The following LRP5 variants were observed in gnomAD, a reference collection of about 807,000 sequenced individuals.
LRP5 encodes the protein low-density lipoprotein receptor-related protein 5.
Under a neutral mutation model 154.1 loss-of-function variants are expected in LRP5, and 62 were observed. The ratio of observed to expected loss-of-function variants is 0.40; its 90% CI spans 0.33 to 0.50. The LOEUF is 0.50. Ranked by LOEUF, LRP5 falls within the 20% of genes least tolerant of loss-of-function variation. The pLI is 0.55. For synonymous variants in LRP5, 966 were observed against 1,011.5 expected, an observed-to-expected ratio of 0.96 and a Z score of 0.85; for missense variants, 1,915 against 2,336.7, an observed-to-expected ratio of 0.82 and a Z score of 3.72.
chr11:68,301,471 T>A, the LRP5 span, among the ~76,000 whole-genome samples: 1 of 148,158 alleles, frequency 6.7e-6, no homozygotes, highest in Non-Finnish European at 1.5e-5. Flanking sequence ...CAAGACCCTG[T>A]CTCTAAAAAA....
chr11:68,307,190 A>AAAGGT, the LRP5 span, among the ~76,000 whole-genome samples: 8 of 152,028 alleles, frequency 5.3e-5, no homozygotes, highest in Non-Finnish European at 7.4e-5. Flanking sequence ...CTCAAAAAAA[A>AAAGGT]AAGGTAAGGT....
rs116068042 is a variant in LRP5, at chr11:68,433,848, T to A, written c.4000+10T>A. The A allele has an allele frequency of 4.2e-3, 6,722 of 1,609,482 alleles. 267 individuals carry two copies. In the African/African-American group the frequency reaches 0.079, roughly 19 times the overall value. On this transcript the variant is annotated intron_variant, in intron 18 of 22. Coordinates refer to ENST00000294304, the MANE Select transcript of LRP5 (RefSeq NM_002335.4). ...GAGGCGGACTGTGACGGTGAGGCCCTCCCCGTCAAGGCTCTGCCAAGACCC... is the reference window on the plus strand; with the variant it reads ...GAGGCGGACTGTGACGGTGAGGCCCACCCCGTCAAGGCTCTGCCAAGACCC...
At chr11:68,396,357 G>A (rs1295558607) in intron 7 of LRP5, among the ~76,000 whole-genome samples, 1 of 152,188 alleles carries the variant, frequency 6.6e-6, no homozygotes, top group Non-Finnish European at 1.5e-5. Flanking sequence ...GGGAGTGGTG[G>A]GAGAGAGGAT....
Position 68,312,606 on chromosome 11 carries a change from G to A in LRP5, c.-109G>A. ...CCTCCTCCCCGTCGTCCTGGTCCGC[G>A]GCGCCCGAGGGGGGAGGCGGAGGCG... On this transcript the variant is annotated 5_prime_UTR_variant, in exon 1 of 23. Coordinates refer to ENST00000294304, the MANE Select transcript of LRP5 (RefSeq NM_002335.4). 1 of 335,736 alleles carries A rather than the reference G, an allele frequency of 3.0e-6. No individual in the cohort carries two copies. Among genetic ancestry groups the A allele is most frequent in the Non-Finnish European group, 4.2e-6 (1 of 237,206 alleles). The allele number at this position is 335,736 out of a possible 1,614,324, so 20.8% of individuals were successfully genotyped here.
Position 68,328,970 on chromosome 11 carries a change from G to C in LRP5, c.91+16165G>C, listed in dbSNP as rs1015738381. 2.0e-5 allele frequency among the ~76,000 whole-genome samples: 3 copies of C among 152,288 alleles called. No homozygotes were observed. The East Asian group carries it at 5.8e-4, about 29-fold the overall frequency. On this transcript the variant is annotated intron_variant, in intron 1 of 22. Transcript: ENST00000294304. ...TTTGTGACTTGAGACTGCGTGGGTG[G>C]GGTACCTGAGGGATCCGTGAGCCCG...
chr11:68,413,964 G>T lies in LRP5; in HGVS notation c.2779G>T (p.Gly927Cys), dbSNP rs764138752. ...CLAIPGGHRC[G>C]CASHYTLDPS... ...TGCCATCCCCGGCGGCCACCGCTGC[G>T]GCTGCGCCTCACACTACACCCTGGA... The change falls in exon 12 of 23, where the codon GGC becomes TGC. Residue 927 changes from glycine to cysteine, a missense_variant. Gly to Cys is a radical substitution (Grantham distance 159). This residue lies in a region of LRP5 where 1,094 missense variants were observed against 1,210.1 expected (regional missense o/e 0.90). Coordinates refer to ENST00000294304, the MANE Select transcript of LRP5 (RefSeq NM_002335.4). The surrounding 1 kb of genome is among the most constrained non-coding windows in gnomAD (Gnocchi z 5.1). 6.2e-7 allele frequency: 1 copy of T among 1,607,382 alleles called. No homozygotes were observed. The highest frequency in any genetic ancestry group is 1.3e-5 in the African/African-American group (1 of 74,934).
rs200963797 is a variant in LRP5 at position 68,406,515 on chromosome 11, C to T, written c.1802-9C>T. Reference sequence around the variant, plus strand: ...ATGTTTAGACTGGAGCCTCTGTGTTCGCTTCCAGGAACCAACCCGTGTGCG... The same window carrying T: ...ATGTTTAGACTGGAGCCTCTGTGTTTGCTTCCAGGAACCAACCCGTGTGCG... On this transcript the variant is annotated splice_polypyrimidine_tract_variant and intron_variant, in intron 8 of 22. Transcript: ENST00000294304. The T allele has an allele frequency of 3.7e-6, 6 of 1,613,860 alleles. No individual in the cohort carries two copies. The African/African-American group carries it at 4.0e-5, about 11-fold the overall frequency.
At chr11:68,400,749 A>T (rs1442417657) in intron 7 of LRP5, among the ~76,000 whole-genome samples, 6 of 151,904 alleles carry the variant, frequency 3.9e-5, no homozygotes, top group South Asian at 2.1e-4. Context: ...AATAAATAAA[A>T]AATAAAAATA....
At chr11:68,435,924 C>A (rs2098674628) in intron 18 of LRP5, among the ~76,000 whole-genome samples, 1 of 152,174 alleles carries the variant, frequency 6.6e-6, no homozygotes, top group African/African-American at 2.4e-5. Context: ...TGGGGTTTCA[C>A]CATGTTGGCC....
Position 68,440,005 on chromosome 11 carries a change from T to G in LRP5, c.4488+89T>G, listed in dbSNP as rs1591330481. 25 of 1,265,070 alleles carry G rather than the reference T, an allele frequency of 2.0e-5. No individual in the cohort carries two copies. In the East Asian group the frequency reaches 6.4e-4, roughly 32 times the overall value. The allele number at this position is 1,265,070 out of a possible 1,614,324, so 78.4% of individuals were successfully genotyped here. A position where few individuals can be genotyped will look rare whatever the true frequency, so the allele number is the denominator to read the frequency against. On this transcript the variant is annotated intron_variant, in intron 21 of 22. Coordinates refer to ENST00000294304, the MANE Select transcript of LRP5 (RefSeq NM_002335.4). Reference sequence around the variant, plus strand: ...GCTGGCCACCGGAGGCTTCCCGGGTTCCTGGGGGCTGTGCCACCGCCTCTG... The same window carrying G: ...GCTGGCCACCGGAGGCTTCCCGGGTGCCTGGGGGCTGTGCCACCGCCTCTG...
chr11:68,380,623 A>C (rs187433796), intron 5 of LRP5, among the ~76,000 whole-genome samples: 1 of 152,310 alleles, frequency 6.6e-6, no homozygotes, highest in African/African-American at 2.4e-5. Flanking sequence ...GGCTGTTTGC[A>C]TGAGGCTTCC....
intron 3 of LRP5, among the ~76,000 whole-genome samples, chr11:68,361,730 G>A (rs967188156): frequency 9.2e-5 from 14 of 152,182 alleles, no homozygotes; most frequent in African/African-American, 3.4e-4. Context: ...GCTGAGGCAG[G>A]AGGATGGATT....
At chr11:68,327,545 T>A (rs1341106552) in intron 1 of LRP5, among the ~76,000 whole-genome samples, 1 of 152,150 alleles carries the variant, frequency 6.6e-6, no homozygotes, top group Non-Finnish European at 1.5e-5. Context: ...TGGGAATTGA[T>A]CTCCCCTGTC....
At chr11:68,365,787 G>A (rs2098630745) in intron 5 of LRP5, 85 bp downstream of exon 5, 1 of 1,360,290 alleles carries the variant, frequency 7.4e-7, no homozygotes, top group Admixed American at 2.3e-5. Flanking sequence ...GCCCCAGAAG[G>A]AACCTCGGCA....
At chr11:68,373,634 G>A (rs748957551) in intron 5 of LRP5, among the ~76,000 whole-genome samples, 3 of 152,206 alleles carry the variant, frequency 2.0e-5, no homozygotes, top group Non-Finnish European at 4.4e-5. Flanking sequence ...CCCAGCAGTC[G>A]AGTGCAGAGC....
chr11:68,348,833 T>G (rs1474785345), intron 2 of LRP5, among the ~76,000 whole-genome samples: 9 of 151,950 alleles, frequency 5.9e-5, no homozygotes, highest in Admixed American at 2.0e-4. Flanking sequence ...AATCCCAGCT[T>G]CTTGGGAGGC....
chr11:68,386,792 T>C lies in LRP5; in HGVS notation c.1412+80T>C. 6.8e-7 allele frequency: 1 copy of C among 1,464,984 alleles called. No individual in the cohort carries two copies. Among genetic ancestry groups the C allele is most frequent in the African/African-American group, 1.4e-5 (1 of 71,718 alleles). The allele number at this position is 1,464,984 out of a possible 1,614,324, so 90.7% of individuals were successfully genotyped here. On this transcript the variant is annotated intron_variant, in intron 6 of 22. Coordinates refer to ENST00000294304, the MANE Select transcript of LRP5 (RefSeq NM_002335.4). The surrounding 1 kb of genome is among the most constrained non-coding windows in gnomAD (Gnocchi z 7.9). ...GAGGGAGATTGACCTGGACCTGTCA[T>C]TCTGGGACACTGTCTTGCATCAGAA...
In LRP5 at chr11:68,364,337, GTTAT is replaced by G. The variant is rs956643369; in HGVS notation, c.883+399_883+402del. Among the ~76,000 whole-genome samples the G allele has an allele frequency of 6.1e-5, 9 of 146,558 alleles. No individual in the cohort carries two copies. In the East Asian group the frequency reaches 1.6e-3, roughly 26 times the overall value. ...ACGTATGTGTGTATATATATATATG[GTTAT>G]TTATATATACATATATATGTGTGTG... On this transcript the variant is annotated intron_variant, in intron 4 of 22. Transcript: ENST00000294304.
chr11:68,403,311 G>A (rs2098653686), intron 7 of LRP5, among the ~76,000 whole-genome samples, 172 bp from the exon 8 acceptor site: 1 of 152,122 alleles, frequency 6.6e-6, no homozygotes, highest in African/African-American at 2.4e-5. Context: ...GCACCCCTGG[G>A]GAACCATGCT....
Sources: gnomAD v4.1 joint callset for allele counts (sites outside exome capture counted in the v4.1 genomes callset) on GRCh38, gnomAD v4.1.1 for gene constraint, gnomAD v4.1.1 regional missense constraint, Gnocchi (gnomAD v3.1) non-coding constraint, MANE v1.5 for transcripts, NCBI Gene and HGNC (gene_info 2026-07-23, HGNC 2026-07-21) for gene names.